Variants in LMX1A observed in about 807,000 individuals in gnomAD.
The protein encoded by LMX1A is LIM homeobox transcription factor 1 alpha, also known as LIM homeobox transcription factor 1-alpha.
LMX1A carries 15 observed loss-of-function variants against 49.1 expected under a neutral mutation model. That is an observed-to-expected ratio of 0.31 (90% CI 0.20 to 0.47). LMX1A has a LOEUF of 0.47. Ranked by LOEUF, LMX1A falls within the 20% of genes least tolerant of loss-of-function variation. The pLI is 1.00. For synonymous variants in LMX1A, 167 were observed against 185.7 expected (o/e 0.90, Z 0.82); for missense variants, 372 against 475.8 (o/e 0.78, Z 2.03).
chr1:165,226,773 T>A (rs919714448), intron 4 of LMX1A, among the ~76,000 whole-genome samples: 3 of 152,380 alleles, frequency 2.0e-5, no homozygotes, highest in Middle Eastern at 6.8e-3. Context: ...AGGTTGAATT[T>A]TATTTTCCCA....
intron 3 of LMX1A, among the ~76,000 whole-genome samples, chr1:165,258,164 T>C (rs1194092887): frequency 3.3e-5 from 5 of 152,240 alleles, no homozygotes; most frequent in African/African-American, 1.2e-4. Context: ...ACTTGGTAAC[T>C]GAGGTCATCC....
chr1:165,216,738 T>A (rs1378463591), intron 4 of LMX1A, among the ~76,000 whole-genome samples: 1 of 152,152 alleles, frequency 6.6e-6, no homozygotes, highest in Non-Finnish European at 1.5e-5. Flanking sequence ...AAATGTAAAG[T>A]CTAAAATAAT....
intron 4 of LMX1A, among the ~76,000 whole-genome samples, chr1:165,237,366 G>A (rs185082395): frequency 1.3e-5 from 2 of 152,272 alleles, no homozygotes; most frequent in African/African-American, 2.4e-5. Flanking sequence ...TGGGACTACA[G>A]GTGCCCACCA....
At chr1:165,341,802 T>G (rs538659499) in intron 3 of LMX1A, among the ~76,000 whole-genome samples, 3 of 152,310 alleles carry the variant, frequency 2.0e-5, no homozygotes, top group Admixed American at 2.0e-4. Context: ...ATGAGTGATT[T>G]GTTTTATTCA....
intron 4 of LMX1A, among the ~76,000 whole-genome samples, chr1:165,245,996 C>T (rs895026427): frequency 6.6e-6 from 1 of 151,638 alleles, no homozygotes; most frequent in Non-Finnish European, 1.5e-5. Context: ...CAGTCATTCA[C>T]TCAACAAACA....
intron 3 of LMX1A, among the ~76,000 whole-genome samples, chr1:165,303,527 A>T (rs1654842230): frequency 6.6e-6 from 1 of 152,244 alleles, no homozygotes; most frequent in Non-Finnish European, 1.5e-5. Flanking sequence ...AGAGTGGCCA[A>T]GTAACCACAA....
At chr1:165,247,039 T>C (rs1652873142) in intron 4 of LMX1A, among the ~76,000 whole-genome samples, 1 of 147,300 alleles carries the variant, frequency 6.8e-6, no homozygotes, top group African/African-American at 2.5e-5. Context: ...GTTACTTAGA[T>C]CAGATCAGCT....
At chr1:165,275,102 G>A (rs536726856) in intron 3 of LMX1A, among the ~76,000 whole-genome samples, 1 of 152,228 alleles carries the variant, frequency 6.6e-6, no homozygotes, top group South Asian at 2.1e-4. Flanking sequence ...AGTTAATGAT[G>A]AAAGGAACCC....
intron 3 of LMX1A, among the ~76,000 whole-genome samples, chr1:165,312,174 G>A (rs1490082683): frequency 6.6e-6 from 1 of 152,060 alleles, no homozygotes; most frequent in African/African-American, 2.4e-5. Context: ...ATTCTAATGG[G>A]CTTTGAGGTT....
At chr1:165,251,374 C>A (rs902577338) in intron 3 of LMX1A, among the ~76,000 whole-genome samples, 5 of 152,308 alleles carry the variant, frequency 3.3e-5, no homozygotes, top group African/African-American at 1.2e-4. Flanking sequence ...TGAGCCACTG[C>A]TCCAGGCTTG....
intron 3 of LMX1A, among the ~76,000 whole-genome samples, chr1:165,335,412 A>G (rs1233707958): frequency 2.0e-5 from 3 of 152,170 alleles, no homozygotes; most frequent in African/African-American, 7.2e-5. Flanking sequence ...TTAATTAGGG[A>G]GCATTTCGTG....
chr1:165,289,312 A>C (rs1296385340), intron 3 of LMX1A, among the ~76,000 whole-genome samples: 3 of 151,746 alleles, frequency 2.0e-5, no homozygotes, highest in Non-Finnish European at 4.4e-5. Flanking sequence ...GGCACTACAG[A>C]TCTAGTTATC....
chr1:165,345,088 G>A (rs1571234880), intron 3 of LMX1A, among the ~76,000 whole-genome samples: 2 of 152,226 alleles, frequency 1.3e-5, no homozygotes, highest in East Asian at 3.8e-4. Context: ...TATGGTTTGG[G>A]GGGATAGTCC....
intron 4 of LMX1A, among the ~76,000 whole-genome samples, chr1:165,233,758 G>C (rs895465308): frequency 6.6e-6 from 1 of 152,202 alleles, no homozygotes; most frequent in African/African-American, 2.4e-5. Context: ...TTAAGTTCTA[G>C]AATTTAAGCT....
chr1:165,288,859 C>A (rs1654374213), intron 3 of LMX1A, among the ~76,000 whole-genome samples: 2 of 152,204 alleles, frequency 1.3e-5, no homozygotes, highest in South Asian at 4.1e-4. Context: ...GGTGCAGTTG[C>A]ATTTGAAGCA....
intron 3 of LMX1A, among the ~76,000 whole-genome samples, chr1:165,296,271 G>A (rs1024498076): frequency 1.3e-5 from 2 of 152,196 alleles, no homozygotes; most frequent in Admixed American, 6.5e-5. Flanking sequence ...TTTCAACAAC[G>A]AAGAGAAATT....
intron 3 of LMX1A, among the ~76,000 whole-genome samples, chr1:165,333,781 C>A (rs972475010): frequency 6.6e-6 from 1 of 151,998 alleles, no homozygotes; most frequent in African/African-American, 2.4e-5. Context: ...ATGAAAACAC[C>A]AGGCTCAATA....
chr1:165,258,063 A>G (rs1438713632), intron 3 of LMX1A, among the ~76,000 whole-genome samples: 1 of 152,228 alleles, frequency 6.6e-6, no homozygotes, highest in Non-Finnish European at 1.5e-5. Context: ...GGTTTGGGGC[A>G]GCTCTTTAAC....
At chr1:165,323,923 T>C (rs1812209) in intron 3 of LMX1A, among the ~76,000 whole-genome samples, 130,995 of 152,252 alleles carry the variant, frequency 0.86, 57,168 homozygotes, top group East Asian at 0.94. Flanking sequence ...ATTTACTGAA[T>C]GGATAAAAGG....
Sources: allele counts gnomAD v4.1 joint callset (sites outside exome capture counted in the v4.1 genomes callset), GRCh38; gene constraint gnomAD v4.1.1; transcripts MANE v1.5; gene names NCBI Gene and HGNC (gene_info 2026-07-23, HGNC 2026-07-21).